ZNF469: variants seen among roughly 807,000 people sequenced by gnomAD.
The protein encoded by ZNF469 is zinc finger protein 469.
ZNF469 carries 1 observed loss-of-function variant against 1.0 expected under a neutral mutation model. The observed-to-expected ratio is 1.00, with a 90% CI of 0.35 to 4.73. ZNF469 has a LOEUF of 4.73. ZNF469 is among the 30% of genes most tolerant of loss of function. The pLI is 0.16. For synonymous variants in ZNF469, 2,703 were observed against 2,363.4 expected (o/e 1.14, Z -4.17); for missense variants, 6,100 against 5,356.3 (o/e 1.14, Z -4.33).
chr16:88,300,835 C>T, the ZNF469 span, among the ~76,000 whole-genome samples: 96,431 of 151,888 alleles, frequency 0.63, 30,818 homozygotes, highest in East Asian at 0.79. Flanking sequence ...GAGGCCAAGG[C>T]GGTTGGATCA....
At chr16:88,322,185 T>C in the ZNF469 span, among the ~76,000 whole-genome samples, 1 of 152,302 alleles carries the variant, frequency 6.6e-6, no homozygotes, top group East Asian at 1.9e-4. Context: ...CAGCCTCCGA[T>C]GGACTCAGAG....
chr16:88,409,201 G>A (rs1905083264), intron 1 of ZNF469, among the ~76,000 whole-genome samples: 2 of 152,242 alleles, frequency 1.3e-5, no homozygotes, highest in South Asian at 2.1e-4. Context: ...AGCATTCAGG[G>A]AGGGTCAGTT....
chr16:88,223,999 G>C, the ZNF469 span, among the ~76,000 whole-genome samples: 64 of 152,194 alleles, frequency 4.2e-4, no homozygotes, highest in Non-Finnish European at 5.9e-5. Context: ...CATTCGCCCA[G>C]TCATTTCTAA....
At chr16:88,229,166 G>T in the ZNF469 span, among the ~76,000 whole-genome samples, 2 of 152,298 alleles carry the variant, frequency 1.3e-5, no homozygotes, top group African/African-American at 4.8e-5. Context: ...CCAAGATAAA[G>T]AGATAAAATC....
intron 1 of ZNF469, among the ~76,000 whole-genome samples, chr16:88,405,625 C>G (rs979341609): frequency 1.3e-5 from 2 of 152,268 alleles, no homozygotes; most frequent in Middle Eastern, 3.4e-3. Context: ...GAGATTTCAC[C>G]AAACACCCAT....
the ZNF469 span, among the ~76,000 whole-genome samples, chr16:88,243,770 G>T: frequency 6.6e-6 from 1 of 151,100 alleles, no homozygotes; most frequent in South Asian, 2.1e-4. Flanking sequence ...TAGATGGATG[G>T]ATGCAAGGAT....
the ZNF469 span, among the ~76,000 whole-genome samples, chr16:88,309,210 A>G: frequency 6.6e-6 from 1 of 152,376 alleles, no homozygotes; most frequent in African/African-American, 2.4e-5. Flanking sequence ...GGAAGGCCTC[A>G]TAAGTGTCAC....
At chr16:88,108,240 G>A in the ZNF469 span, among the ~76,000 whole-genome samples, 1 of 146,626 alleles carries the variant, frequency 6.8e-6, no homozygotes, top group Non-Finnish European at 1.5e-5. Flanking sequence ...GATGCGGGGA[G>A]GGGGGTCCAT....
At chr16:88,382,246 C>T (rs146861713), upstream of ZNF469, among the ~76,000 whole-genome samples, 283 of 151,850 alleles carry the variant, frequency 1.9e-3, 2 homozygotes, top group African/African-American at 6.6e-3. Flanking sequence ...TGCCTGGAGC[C>T]ATCTCCGCCG....
the ZNF469 span, among the ~76,000 whole-genome samples, chr16:88,289,402 GTGA>G: frequency 8.6e-5 from 13 of 150,448 alleles, no homozygotes; most frequent in South Asian, 1.3e-3. Context: ...CATGATGATG[GTGA>G]TGATGATGAT....
chr16:88,121,074 G>A, the ZNF469 span, among the ~76,000 whole-genome samples: 1 of 150,232 alleles, frequency 6.7e-6, no homozygotes, highest in Non-Finnish European at 1.5e-5. Context: ...GCTGGTGGGT[G>A]CTGCATGAGG....
rs1906415096 is a variant in ZNF469 at position 88,434,339 on chromosome 16, G to A, written c.6869G>A (p.Ser2290Asn). The change falls in exon 3 of 3, where the codon AGC becomes AAC. Residue 2290 changes from serine (S) to asparagine (N), a missense_variant. Ser to Asn is a conservative substitution (Grantham distance 46). Coordinates refer to ENST00000565624, the MANE Select transcript of ZNF469 (RefSeq NM_001367624.2). ...GCCGTCAGGGCTACTGGCCTGTCCA[G>A]CACTCCCACCGGAGATGAGGCACAG... ...SVAVRATGLS[S>N]TPTGDEAQAG... The A allele has an allele frequency of 6.5e-7, 1 of 1,550,262 alleles. No homozygotes were observed. Among genetic ancestry groups the A allele is most frequent in the Non-Finnish European group, 8.7e-7 (1 of 1,146,972 alleles).
At chr16:88,121,274 A>C in the ZNF469 span, among the ~76,000 whole-genome samples, 1 of 151,392 alleles carries the variant, frequency 6.6e-6, no homozygotes. Context: ...CTCTCCTTAC[A>C]CTGACTTTGG....
the ZNF469 span, among the ~76,000 whole-genome samples, chr16:88,280,733 GA>G: frequency 6.8e-6 from 1 of 146,152 alleles, no homozygotes; most frequent in East Asian, 2.0e-4. Context: ...GTACCATGTT[GA>G]TTTTGTTGCA....
At chr16:88,290,464 G>A in the ZNF469 span, among the ~76,000 whole-genome samples, 10 of 152,284 alleles carry the variant, frequency 6.6e-5, no homozygotes, top group African/African-American at 2.4e-4. Context: ...GTTGGGCCAT[G>A]ACAGTTCAGA....
chr16:88,422,762 G>GGGTGGGTA, intron 1 of ZNF469, among the ~76,000 whole-genome samples: 1 of 148,320 alleles, frequency 6.7e-6, no homozygotes, highest in Admixed American at 6.7e-5. Flanking sequence ...ATGGATGGAT[G>GGGTGGGTA]GATGGATGGA....
chr16:88,357,853 G>A, the ZNF469 span, among the ~76,000 whole-genome samples: 2 of 152,110 alleles, frequency 1.3e-5, no homozygotes, highest in Non-Finnish European at 2.9e-5. Context: ...GTGTAGACAA[G>A]GGAGGCCGGA....
At chr16:88,154,788 G>A in the ZNF469 span, among the ~76,000 whole-genome samples, 25 of 152,304 alleles carry the variant, frequency 1.6e-4, no homozygotes, top group East Asian at 5.8e-4. Flanking sequence ...TCGAGGGGAC[G>A]GTGAACGCAG....
At chr16:88,110,999 G>A in the ZNF469 span, among the ~76,000 whole-genome samples, 1 of 152,268 alleles carries the variant, frequency 6.6e-6, no homozygotes, top group Non-Finnish European at 1.5e-5. Context: ...TGAAGACGCT[G>A]CGGCCCAGAC....
Sources: allele counts gnomAD v4.1 joint callset (sites outside exome capture counted in the v4.1 genomes callset), GRCh38; gene constraint gnomAD v4.1.1; transcripts MANE v1.5; gene names NCBI Gene and HGNC (gene_info 2026-07-23, HGNC 2026-07-21).